The following BLTP1 variants were observed in gnomAD, a reference collection of about 807,000 sequenced individuals.
BLTP1 encodes fragile site-associated protein.
the BLTP1 span, among the ~76,000 whole-genome samples, chr4:122,340,186 G>C: frequency 1.7e-3 from 264 of 152,178 alleles, 2 homozygotes; most frequent in African/African-American, 5.9e-3. Flanking sequence ...TGTACAGCTG[G>C]CAGCTAGAAG....
At chr4:122,235,902 T>TCCC in the BLTP1 span, among the ~76,000 whole-genome samples, 1 of 152,218 alleles carries the variant, frequency 6.6e-6, no homozygotes, top group Admixed American at 6.5e-5. Context: ...TATATTTAGA[T>TCCC]TTACCTAGAG....
the BLTP1 span, chr4:122,214,321 A>G: frequency 3.2e-6 from 3 of 923,688 alleles, no homozygotes; most frequent in African/African-American, 5.4e-5. Flanking sequence ...GTAAATTGAA[A>G]TGTAGTTTAT....
chr4:122,244,285 A>G, the BLTP1 span, among the ~76,000 whole-genome samples: 23 of 152,184 alleles, frequency 1.5e-4, no homozygotes, highest in African/African-American at 4.6e-4. Flanking sequence ...TCTGTTGGCT[A>G]TTGGTTCCAG....
the BLTP1 span, chr4:122,197,516 T>C: frequency 1.3e-6 from 1 of 783,288 alleles, no homozygotes; most frequent in Non-Finnish European, 1.5e-6. Flanking sequence ...ACATTTCTTT[T>C]GTAGAACTGA....
At chr4:122,299,116 A>T in the BLTP1 span, 1 of 984,620 alleles carries the variant, frequency 1.0e-6, no homozygotes, top group African/African-American at 1.7e-5. Context: ...CTGTGTAGAT[A>T]AATTAATATA....
At chr4:122,362,281 G>T in the BLTP1 span, 682 of 1,554,396 alleles carry the variant, frequency 4.4e-4, 3 homozygotes, top group East Asian at 9.6e-3. Context: ...AATTATGATT[G>T]TGTCTGTTTT....
At chr4:122,173,113 G>C in the BLTP1 span, 2 of 1,610,402 alleles carry the variant, frequency 1.2e-6, no homozygotes, top group Non-Finnish European at 1.7e-6. Context: ...TTTAACACTA[G>C]TTCTTAACAG....
the BLTP1 span, chr4:122,207,191 T>G: frequency 1.9e-6 from 3 of 1,612,182 alleles, no homozygotes; most frequent in Non-Finnish European, 2.5e-6. Context: ...AAAATCATGT[T>G]TCATCAGTTT....
chr4:122,266,632 A>G, the BLTP1 span: 1 of 514,772 alleles, frequency 1.9e-6, no homozygotes, highest in Non-Finnish European at 3.2e-6. Context: ...AGTTAGAGTC[A>G]ATTATATGAG....
the BLTP1 span, chr4:122,193,738 A>G: frequency 6.8e-6 from 5 of 738,364 alleles, no homozygotes; most frequent in Non-Finnish European, 8.3e-6. Context: ...TTGAGCAGAT[A>G]TTACGGGGCC....
chr4:122,186,362 T>A, the BLTP1 span: 2 of 431,804 alleles, frequency 4.6e-6, no homozygotes, highest in Admixed American at 4.5e-5. Flanking sequence ...CATAAATAAT[T>A]ATATAATTAT....
chr4:122,277,763 T>A, the BLTP1 span: 3 of 970,488 alleles, frequency 3.1e-6, no homozygotes, highest in African/African-American at 5.3e-5. Flanking sequence ...ATGATTGTTA[T>A]TCTAATTTCT....
the BLTP1 span, chr4:122,211,090 A>C: frequency 1.2e-6 from 2 of 1,610,086 alleles, no homozygotes; most frequent in Non-Finnish European, 1.7e-6. Flanking sequence ...CTTTTTGTGT[A>C]TAAAGGTATG....
chr4:122,261,288 CA>C, the BLTP1 span: 1 of 985,176 alleles, frequency 1.0e-6, no homozygotes, highest in Non-Finnish European at 1.2e-6. Flanking sequence ...ACAGTTTTTT[CA>C]ACCTTCTGAA....
chr4:122,187,559 GA>G, the BLTP1 span: 4 of 1,540,024 alleles, frequency 2.6e-6, no homozygotes, highest in Admixed American at 4.3e-5. Flanking sequence ...TAGTAATGTA[GA>G]ACTTTTAATT....
At chr4:122,226,714 G>A in the BLTP1 span, 2 of 1,613,242 alleles carry the variant, frequency 1.2e-6, no homozygotes, top group Non-Finnish European at 1.7e-6. Flanking sequence ...TAGCTGGCAT[G>A]CCTCTTGGAG....
the BLTP1 span, among the ~76,000 whole-genome samples, chr4:122,310,349 T>C: frequency 6.6e-6 from 1 of 151,932 alleles, no homozygotes; most frequent in African/African-American, 2.4e-5. Flanking sequence ...GGCTATTTGC[T>C]GGGGGGCTTG....
At chr4:122,328,819 G>T in the BLTP1 span, 1 of 950,694 alleles carries the variant, frequency 1.1e-6, no homozygotes. Context: ...TGAAATAAAT[G>T]ACATATGTGA....
At chr4:122,189,406 G>A in the BLTP1 span, 14 of 983,778 alleles carry the variant, frequency 1.4e-5, no homozygotes, top group Non-Finnish European at 1.6e-5. Flanking sequence ...GTTCATTCCA[G>A]AGTTAGAGTT....
Sources: gnomAD v4.1 joint callset for allele counts (sites outside exome capture counted in the v4.1 genomes callset) on GRCh38, gnomAD v4.1.1 for gene constraint, MANE v1.5 for transcripts, NCBI Gene and HGNC (gene_info 2026-07-23, HGNC 2026-07-21) for gene names.